Variants in EIF3G observed in about 807,000 individuals in gnomAD.
The protein encoded by EIF3G is eukaryotic translation initiation factor 3 subunit G, also known as eukaryotic translation initiation factor 3 RNA-binding subunit.
Under a neutral mutation model 41.7 loss-of-function variants are expected in EIF3G, and 10 were observed. The observed-to-expected ratio is 0.24, with a 90% CI of 0.15 to 0.41. The LOEUF (loss-of-function observed/expected upper bound fraction) is 0.41, where lower values mean the gene tolerates loss of function less well. Among genes scored for constraint, EIF3G ranks in the 10% least tolerant of loss-of-function variants. The pLI is 1.00. For synonymous variants in EIF3G, 204 were observed against 172.5 expected, an observed-to-expected ratio of 1.18 and a Z score of -1.43; for missense variants, 297 against 444.0, an observed-to-expected ratio of 0.67 and a Z score of 2.98.
Position 10,116,063 on chromosome 19 carries a change from C to T in EIF3G, c.607G>A (p.Val203Met), listed in dbSNP as rs1404692026. The part of the protein sequence containing the change: ...KEKLPGELEP[V>M]QATQNKTGKY... ...CCTGTCTTGTTCTGCGTGGCCTGCACCGGCTCTAGCTCTGGGGACCAAAAG... is the reference window on the plus strand; with the variant it reads ...CCTGTCTTGTTCTGCGTGGCCTGCATCGGCTCTAGCTCTGGGGACCAAAAG... The change falls in exon 8 of 11, where the codon GTG becomes ATG. Residue 203 changes from valine (V) to methionine (M), a missense_variant. By Grantham distance (21) the Val-to-Met change is conservative. This residue lies in a region of EIF3G where 33 missense variants were observed against 30.3 expected (regional missense o/e 1.09). Coordinates refer to ENST00000253108, the MANE Select transcript of EIF3G (RefSeq NM_003755.5). The surrounding 1 kb of genome is among the most constrained non-coding windows in gnomAD (Gnocchi z 4.1). 2.5e-5 allele frequency: 40 copies of T among 1,613,842 alleles called. No individual in the cohort carries two copies. Among genetic ancestry groups the T allele is most frequent in the Non-Finnish European group, 3.3e-5 (39 of 1,179,866 alleles).
At chr19:10,115,422 C>G (rs565920145) in intron 10 of EIF3G, 57 bp downstream of exon 10, 1 of 1,542,216 alleles carries the variant, frequency 6.5e-7, no homozygotes, top group South Asian at 1.2e-5. Context: ...CCCAACACTC[C>G]GTGAAGGTGC....
At position 10,119,874 on chromosome 19, in the gene EIF3G, T is replaced by C. The variant is rs111962472; in HGVS notation, c.-15A>G. ...CCAGTAGGCATCGCAAAAAGTATTC[T>C]CCACGCAGCCCAAGCCCGGCCAGAG... is the stretch of plus-strand genomic sequence containing the variant. On this transcript the variant is annotated 5_prime_UTR_variant, in exon 1 of 11. Transcript: ENST00000253108. 1.0e-3 allele frequency: 1,694 copies of C among 1,613,794 alleles called. 12 individuals carry two copies. The African/African-American group carries it at 0.02, about 19-fold the overall frequency.
In EIF3G at chr19:10,118,667, CCTT is replaced by C. The variant is rs2089279445; in HGVS notation, c.298_300del (p.Lys100del). The stretch of plus-strand genomic sequence containing the variant: ...TTAGCCCTGGGGAAGAAGAGCCTCA[CCTT>C]CCTCCTTGCGACAGCCTTTGAAGCC... On this transcript the variant is annotated inframe_deletion and splice_region_variant, in exon 5 of 11. Transcript: ENST00000253108. 6.2e-7 allele frequency: 1 copy of C among 1,614,102 alleles called. No homozygotes were observed. Among genetic ancestry groups the C allele is most frequent in the Non-Finnish European group, 8.5e-7 (1 of 1,180,022 alleles).
chr19:10,119,491 G>A lies in EIF3G; in HGVS notation c.67+163C>T. 3 of 923,734 alleles carry A rather than the reference G, an allele frequency of 3.2e-6. 1 individual carries two copies. The South Asian group carries it at 4.2e-5, about 13-fold the overall frequency. 57.2% of individuals were successfully genotyped at this position (923,734 alleles called of 1,614,324 possible). A position where few individuals can be genotyped will look rare whatever the true frequency, so the allele number is the denominator to read the frequency against. On this transcript the variant is annotated intron_variant, in intron 2 of 10. Transcript: ENST00000253108. ...GGCATGGGAGGAAGAGGGACCCGCC[G>A]GGGAACACCTGGAGTTGGCAACAGG...
chr19:10,119,574 C>CA lies in EIF3G; in HGVS notation c.67+79dup, dbSNP rs1568497222. The CA allele has an allele frequency of 4.6e-6, 7 of 1,506,358 alleles. 1 individual carries two copies. Among genetic ancestry groups the CA allele is most frequent in the Non-Finnish European group, 6.3e-6 (7 of 1,113,350 alleles). 93.3% of individuals were successfully genotyped at this position (1,506,358 alleles called of 1,614,324 possible). On this transcript the variant is annotated intron_variant, in intron 2 of 10. Transcript: ENST00000253108. Reference sequence around the variant, plus strand: ...CAGACCGTGACGGGGTACACGGTGCCAGACTGGGAGATGGAAGCAGGCGGC... The same window carrying CA: ...CAGACCGTGACGGGGTACACGGTGCCAAGACTGGGAGATGGAAGCAGGCGGC...
Position 10,116,145 on chromosome 19 carries a change from G to T in EIF3G, c.596-71C>A. ...CGTGGGGACAGAGCCGCCCCAGGAA[G>T]CTCGGGCTTCAGTGTTGAGCCAGCG... is the stretch of plus-strand genomic sequence containing the variant. On this transcript the variant is annotated intron_variant, in intron 7 of 10. Coordinates refer to ENST00000253108, the MANE Select transcript of EIF3G (RefSeq NM_003755.5). The surrounding 1 kb of genome is among the most constrained non-coding windows in gnomAD (Gnocchi z 4.1). 2 of 1,481,068 alleles carry T rather than the reference G, an allele frequency of 1.4e-6. No individual in the cohort carries two copies. The highest frequency in any genetic ancestry group is 1.8e-6 in the Non-Finnish European group (2 of 1,083,836). 91.7% of individuals were successfully genotyped at this position (1,481,068 alleles called of 1,614,324 possible).
chr19:10,119,661 C>A lies in EIF3G; in HGVS notation c.60G>T (p.Gly20=). The A allele has an allele frequency of 6.3e-7, 1 of 1,576,722 alleles. No homozygotes were observed. Among genetic ancestry groups the A allele is most frequent in the South Asian group, 1.2e-5 (1 of 84,678 alleles). The change falls in exon 2 of 11, where the codon GGG becomes GGT. Residue 20 remains glycine, a synonymous_variant. Coordinates refer to ENST00000253108, the MANE Select transcript of EIF3G (RefSeq NM_003755.5). ...GCGACCGTGTACACTTACCGTCCTC[C>A]CCCTCCTCCTCCACCTGGTCGGCCC... The part of the protein sequence containing the change: ...PSWADQVEEE[G]EDDKCVTSEL...
chr19:10,119,482 G>A lies in EIF3G; in HGVS notation c.67+172C>T. The A allele has an allele frequency of 4.6e-6, 4 of 867,660 alleles. No individual in the cohort carries two copies. The South Asian group carries it at 5.7e-5, about 12-fold the overall frequency. 53.7% of individuals were successfully genotyped at this position (867,660 alleles called of 1,614,324 possible). A position where few individuals can be genotyped will look rare whatever the true frequency, so the allele number is the denominator to read the frequency against. Reference sequence around the variant, plus strand: ...GGAGGCAGTGGCATGGGAGGAAGAGGGACCCGCCGGGGAACACCTGGAGTT... The same window carrying A: ...GGAGGCAGTGGCATGGGAGGAAGAGAGACCCGCCGGGGAACACCTGGAGTT... On this transcript the variant is annotated intron_variant, in intron 2 of 10. Coordinates refer to ENST00000253108, the MANE Select transcript of EIF3G (RefSeq NM_003755.5).
intron 3 of EIF3G, 34 bp from the exon 4 acceptor site, chr19:10,118,990 C>G (rs954457328): frequency 6.2e-7 from 1 of 1,613,786 alleles, no homozygotes; most frequent in African/African-American, 1.3e-5. Flanking sequence ...AAAGACTGAG[C>G]CCTGGGTCAT....
chr19:10,118,907 C>G lies in EIF3G; in HGVS notation c.201G>C (p.Val67=). 1 of 1,614,034 alleles carries G rather than the reference C, an allele frequency of 6.2e-7. No homozygotes were observed. Among genetic ancestry groups the G allele is most frequent in the Non-Finnish European group, 8.5e-7 (1 of 1,180,014 alleles). The stretch of plus-strand genomic sequence containing the variant: ...CATCCTCATCTATCTTGTACTCTGT[C>G]ACTGTCTTTATGTTTCCGTTGATGA... ...KEVINGNIKT[V]TEYKIDEDGK... Residue 67 remains valine, a synonymous_variant, in exon 4 of 11, where the codon GTG becomes GTC. Coordinates refer to ENST00000253108, the MANE Select transcript of EIF3G (RefSeq NM_003755.5).
chr19:10,115,407 G>A (rs2089224834), intron 10 of EIF3G, 72 bp downstream of exon 10: 1 of 1,492,574 alleles, frequency 6.7e-7, no homozygotes, highest in Non-Finnish European at 9.1e-7. Context: ...AGGGCTATTG[G>A]TTGGCCCAAC....
chr19:10,115,326 T>G (rs2089222572), intron 10 of EIF3G, 153 bp downstream of exon 10: 1 of 1,127,584 alleles, frequency 8.9e-7, no homozygotes, highest in Non-Finnish European at 1.2e-6. Flanking sequence ...GCCACCCCTC[T>G]GCCCGGTTTT....
chr19:10,115,342 A>AAAAC, intron 10 of EIF3G, 137 bp downstream of exon 10: 1 of 1,199,976 alleles, frequency 8.3e-7, no homozygotes, highest in Non-Finnish European at 1.2e-6. Flanking sequence ...GTTTTGGAAA[A>AAAAC]AAACAATAAA....
In EIF3G at chr19:10,119,369, G is replaced by T. The variant is rs1384963768; in HGVS notation, c.68-198C>A. 4 of 772,250 alleles carry T rather than the reference G, an allele frequency of 5.2e-6. No individual in the cohort carries two copies. In the Admixed American group the frequency reaches 6.0e-5, roughly 12 times the overall value. The allele number at this position is 772,250 out of a possible 1,614,324, so 47.8% of individuals were successfully genotyped here. A position where few individuals can be genotyped will look rare whatever the true frequency, so the allele number is the denominator to read the frequency against. ...AGGATGGGAGATCCCTCGTAGGAAG[G>T]TGGGTGCCAGGCCATGAAGCCAACC... On this transcript the variant is annotated intron_variant, in intron 2 of 10. Coordinates refer to ENST00000253108, the MANE Select transcript of EIF3G (RefSeq NM_003755.5).
rs1005735303 is a variant in EIF3G at position 10,116,135 on chromosome 19, G to T, written c.596-61C>A. On this transcript the variant is annotated intron_variant, in intron 7 of 10. Transcript: ENST00000253108. The surrounding 1 kb of genome is among the most constrained non-coding windows in gnomAD (Gnocchi z 4.1). ...GTGGCGCAGGCGTGGGGACAGAGCC[G>T]CCCCAGGAAGCTCGGGCTTCAGTGT... The T allele has an allele frequency of 4.0e-6, 6 of 1,505,594 alleles. No homozygotes were observed. The highest frequency in any genetic ancestry group is 1.2e-5 in the South Asian group (1 of 84,808). 93.3% of individuals were successfully genotyped at this position (1,505,594 alleles called of 1,614,324 possible). A position where few individuals can be genotyped will look rare whatever the true frequency, so the allele number is the denominator to read the frequency against.
At chr19:10,119,592 C>T (rs2089288939) in intron 2 of EIF3G, 62 bp downstream of exon 2, 29 of 1,535,760 alleles carry the variant, frequency 1.9e-5, no homozygotes, top group African/African-American at 2.7e-5. Context: ...GAGATGGAAG[C>T]AGGCGGCAGT....
chr19:10,117,889 TACAA>T (rs2089273100), intron 5 of EIF3G, among the ~76,000 whole-genome samples: 1 of 152,086 alleles, frequency 6.6e-6, no homozygotes, highest in Non-Finnish European at 1.5e-5. Context: ...ACCCCATCTC[TACAA>T]ACAATTAAAA....
intron 4 of EIF3G, 28 bp from the exon 5 acceptor site, chr19:10,118,755 G>T (rs774175364): frequency 1.2e-6 from 2 of 1,613,268 alleles, no homozygotes; most frequent in East Asian, 2.2e-5. Context: ...GAAGGGTCAG[G>T]CTCCTGGGAC....
chr19:10,119,755 G>T (rs1157247181), intron 1 of EIF3G, 55 bp from the exon 2 acceptor site: 10 of 1,613,144 alleles, frequency 6.2e-6, no homozygotes, highest in Admixed American at 1.7e-5. Flanking sequence ...CCCGGCTCCC[G>T]CAGCCTCGGC....
Sources: gnomAD v4.1 joint callset for allele counts (sites outside exome capture counted in the v4.1 genomes callset) on GRCh38, gnomAD v4.1.1 for gene constraint, gnomAD v4.1.1 regional missense constraint, Gnocchi (gnomAD v3.1) non-coding constraint, MANE v1.5 for transcripts, NCBI Gene and HGNC (gene_info 2026-07-23, HGNC 2026-07-21) for gene names.